NCOR1: variants seen among roughly 807,000 people sequenced by gnomAD.
NCOR1 encodes nuclear receptor corepressor 1.
In NCOR1, 63 loss-of-function variants were observed where a neutral mutation model predicts 288.1. That is an observed-to-expected ratio of 0.22 (90% CI 0.18 to 0.27). The LOEUF is 0.27. Among genes scored for constraint, NCOR1 ranks in the 10% least tolerant of loss-of-function variants. The pLI, the probability that NCOR1 is intolerant of heterozygous loss-of-function variation, is 1.00. For missense variants in NCOR1, 2,397 were observed against 3,019.2 expected (o/e 0.79, Z 4.83); for synonymous variants, 1,007 against 1,065.9 (o/e 0.94, Z 1.08).
chr17:16,049,952 G>A (rs563605899), intron 40 of NCOR1, among the ~76,000 whole-genome samples: 3 of 152,226 alleles, frequency 2.0e-5, no homozygotes, highest in Admixed American at 6.5e-5. Context: ...GTACAGGAGT[G>A]CAATCATAGC....
chr17:16,031,764 A>G lies in NCOR1; in HGVS notation c.*532T>C. ...TCACTGGAAAGCTGAATTTAGAGGA[A>G]ACAATATCAGATAAAAGTACAATGC... On this transcript the variant is annotated 3_prime_UTR_variant, in exon 46 of 46. Transcript: ENST00000268712. 1 of 230,354 alleles carries G rather than the reference A, an allele frequency of 4.3e-6. No homozygotes were observed. The allele number at this position is 230,354 out of a possible 1,614,324, so 14.3% of individuals were successfully genotyped here.
chr17:16,135,870 T>C (rs1360641183), intron 14 of NCOR1, among the ~76,000 whole-genome samples: 1 of 151,856 alleles, frequency 6.6e-6, no homozygotes, highest in Admixed American at 6.6e-5. Flanking sequence ...AGAAAGGGAG[T>C]AAGACCCCAC....
At chr17:16,071,156 T>C (rs2061709679) in intron 30 of NCOR1, among the ~76,000 whole-genome samples, 1 of 151,878 alleles carries the variant, frequency 6.6e-6, no homozygotes, top group Non-Finnish European at 1.5e-5. Flanking sequence ...TACATGCCTG[T>C]AGTCCTAGCT....
Position 16,039,441 on chromosome 17 carries a change from G to C in NCOR1, c.6947C>G (p.Pro2316Arg). The C allele has an allele frequency of 6.2e-7, 1 of 1,613,750 alleles. No individual in the cohort carries two copies. Among genetic ancestry groups the C allele is most frequent in the Non-Finnish European group, 8.5e-7 (1 of 1,179,886 alleles). ...TAAAATGAAAGCTGTACCTGAATGAGGTGATGGGTCCCCTTCCTCTCTTCG... is the reference window on the plus strand; with the variant it reads ...TAAAATGAAAGCTGTACCTGAATGACGTGATGGGTCCCCTTCCTCTCTTCG... ...ETRREEGDPS[P>R]HSGGVCKPKL... Residue 2316 changes from proline (P) to arginine (R), a missense_variant, in exon 44 of 46, where the codon CCT (proline) becomes CGT (arginine). Physicochemically the swap from Pro to Arg is moderately radical, Grantham distance 103. Transcript: ENST00000268712.
At position 16,215,047 on chromosome 17, in the gene NCOR1, G is replaced by A. The variant is rs571240377; in HGVS notation, c.-71+315C>T. 2.6e-5 allele frequency among the ~76,000 whole-genome samples: 4 copies of A among 152,332 alleles called. No individual in the cohort carries two copies. The South Asian group carries it at 6.2e-4, about 24-fold the overall frequency. ...CACCGGCTGCCCGCTCTCCCTCGCA[G>A]GCCCTGTAGGCTCCGCACGCCCCTC... On this transcript the variant is annotated intron_variant, in intron 1 of 45. Transcript: ENST00000268712.
chr17:16,094,055 G>A (rs2065885135), intron 21 of NCOR1, among the ~76,000 whole-genome samples: 1 of 151,902 alleles, frequency 6.6e-6, no homozygotes, highest in Non-Finnish European at 1.5e-5. Context: ...ATGGCACCAT[G>A]CGGAGCTAAT....
At chr17:16,111,244 C>T (rs1334079557) in intron 18 of NCOR1, among the ~76,000 whole-genome samples, 2 of 152,310 alleles carry the variant, frequency 1.3e-5, no homozygotes, top group East Asian at 3.9e-4. Flanking sequence ...GCATTTTCTT[C>T]AATATATGAT....
intron 4 of NCOR1, among the ~76,000 whole-genome samples, chr17:16,170,569 T>C (rs1010411702): frequency 2.0e-5 from 3 of 152,076 alleles, no homozygotes; most frequent in Non-Finnish European, 4.4e-5. Flanking sequence ...GCACAGTGGC[T>C]CATGCCTGTA....
In NCOR1 at chr17:16,149,500, T is replaced by C. The variant is rs1012370981; in HGVS notation, c.860A>G (p.Lys287Arg). 4 of 1,551,206 alleles carry C rather than the reference T, an allele frequency of 2.6e-6. No homozygotes were observed. The African/African-American group carries it at 4.1e-5, about 16-fold the overall frequency. The change falls in exon 9 of 46, where the codon AAA (lysine) becomes AGA (arginine). Residue 287 changes from lysine (K) to arginine (R), a missense_variant. Around this residue, in one of 11 missense-constraint regions of NCOR1, gnomAD observed 76 missense variants for 102.2 expected, o/e 0.74. Transcript: ENST00000268712. ...ENIKTNQVMRKKLILFFKRRN... is the reference protein window; with the variant it reads ...ENIKTNQVMRRKLILFFKRRN... ...TCTTTTAAAAAATAAAATGAGTTTT[T>C]TCCTCATCACCTGGTTTCTAGAAGA... is the stretch of plus-strand genomic sequence containing the variant.
chr17:16,102,346 G>A (rs1020327829), intron 19 of NCOR1, among the ~76,000 whole-genome samples: 8 of 150,960 alleles, frequency 5.3e-5, no homozygotes, highest in South Asian at 2.1e-4. Context: ...GCAATGGTGC[G>A]ATCTCGGCTC....
At chr17:16,136,388 C>T (rs748297621) in intron 14 of NCOR1, among the ~76,000 whole-genome samples, 2 of 152,130 alleles carry the variant, frequency 1.3e-5, no homozygotes, top group Admixed American at 6.6e-5. Context: ...GGATGGGTCT[C>T]GCTATGTTGC....
In NCOR1 at chr17:16,092,190, T is replaced by C. The variant is rs908623717; in HGVS notation, c.2821-132A>G. 8.7e-6 allele frequency: 10 copies of C among 1,150,762 alleles called. No homozygotes were observed. The East Asian group carries it at 2.3e-4, about 26-fold the overall frequency. 71.3% of individuals were successfully genotyped at this position (1,150,762 alleles called of 1,614,324 possible). Reference sequence around the variant, plus strand: ...TTTTATCATTTTTTAATCAAAGTTATCTTCAAGAATAATGCTTAAGGCATT... The same window carrying C: ...TTTTATCATTTTTTAATCAAAGTTACCTTCAAGAATAATGCTTAAGGCATT... On this transcript the variant is annotated intron_variant, in intron 21 of 45. Transcript: ENST00000268712.
chr17:16,206,919 A>G (rs1365862532), intron 1 of NCOR1, among the ~76,000 whole-genome samples: 1 of 152,164 alleles, frequency 6.6e-6, no homozygotes, highest in Non-Finnish European at 1.5e-5. Flanking sequence ...ATATATATAA[A>G]ATAATGTATT....
intron 40 of NCOR1, among the ~76,000 whole-genome samples, chr17:16,052,714 C>T (rs1350425839): frequency 2.0e-5 from 3 of 152,122 alleles, no homozygotes; most frequent in African/African-American, 7.2e-5. Flanking sequence ...ATATTCCAAA[C>T]ATTAAGGAAG....
chr17:16,169,606 G>A (rs996273908), intron 4 of NCOR1, among the ~76,000 whole-genome samples: 5 of 148,144 alleles, frequency 3.4e-5, no homozygotes, highest in Admixed American at 2.7e-4. Context: ...GACTAGAGTC[G>A]GGGTCCTGGG....
chr17:16,127,267 ATG>A (rs893044284), intron 14 of NCOR1, among the ~76,000 whole-genome samples: 1 of 104,604 alleles, frequency 9.6e-6, no homozygotes, highest in South Asian at 2.7e-4. Flanking sequence ...GTGTGTATAT[ATG>A]TATGTATATA....
At chr17:16,201,083 G>A (rs1239438885) in intron 1 of NCOR1, among the ~76,000 whole-genome samples, 1 of 152,170 alleles carries the variant, frequency 6.6e-6, no homozygotes, top group Non-Finnish European at 1.5e-5. Flanking sequence ...CTGCTTCTCA[G>A]CCTTTTGGTT....
Position 16,064,227 on chromosome 17 carries a change from AACTG to A in NCOR1, c.5102-44_5102-41del, listed in dbSNP as rs761129440. 106 of 1,591,798 alleles carry A rather than the reference AACTG, an allele frequency of 6.7e-5. No homozygotes were observed. In the African/African-American group the frequency reaches 1.2e-3, roughly 17 times the overall value. Reference sequence around the variant, plus strand: ...CCTGCAGCTTAAAGATAAAAATATCAACTGACTGAGTATATCAAACAATTCCGAA... The same window carrying A: ...CCTGCAGCTTAAAGATAAAAATATCAACTGAGTATATCAAACAATTCCGAA... On this transcript the variant is annotated intron_variant, in intron 34 of 45. Coordinates refer to ENST00000268712, the MANE Select transcript of NCOR1 (RefSeq NM_006311.4).
Position 16,118,016 on chromosome 17 carries a change from G to A in NCOR1, c.1927C>T (p.His643Tyr). The A allele has an allele frequency of 1.2e-6, 2 of 1,613,642 alleles. No individual in the cohort carries two copies. The highest frequency in any genetic ancestry group is 1.7e-6 in the Non-Finnish European group (2 of 1,179,830). ...MEVAKKGLVE[H>Y]GRNWAAIAKM... ...GCAATTGCTGCCCAGTTACGACCATGTTCTACTAGACCTGCATTTTAAAAA... is the reference window on the plus strand; with the variant it reads ...GCAATTGCTGCCCAGTTACGACCATATTCTACTAGACCTGCATTTTAAAAA... Residue 643 changes from histidine to tyrosine, a missense_variant, in exon 18 of 46, where the codon CAT becomes TAT. His to Tyr is a moderately conservative substitution (Grantham distance 83). Transcript: ENST00000268712.
Sources: allele counts gnomAD v4.1 joint callset (sites outside exome capture counted in the v4.1 genomes callset), GRCh38; gene constraint gnomAD v4.1.1; regional missense constraint gnomAD v4.1.1; transcripts MANE v1.5; gene names NCBI Gene and HGNC (gene_info 2026-07-23, HGNC 2026-07-21).